Variants in PAPPA observed in about 807,000 individuals in gnomAD.
The protein encoded by PAPPA is pappalysin-1.
PAPPA carries 60 observed loss-of-function variants against 164.0 expected under a neutral mutation model. That is an observed-to-expected ratio of 0.37 (90% CI 0.30 to 0.45). The LOEUF (loss-of-function observed/expected upper bound fraction) is 0.45. Among genes scored for constraint, PAPPA ranks in the 20% least tolerant of loss-of-function variants. The probability of loss-of-function intolerance (pLI) is 1.00; values close to 1 mark genes in which losing one functional copy is unlikely to be tolerated. For synonymous variants in PAPPA, 875 were observed against 814.1 expected, an observed-to-expected ratio of 1.07 and a Z score of -1.27; for missense variants, 1,782 against 2,087.3, an observed-to-expected ratio of 0.85 and a Z score of 2.85.
chr9:116,227,479 G>T lies in PAPPA; in HGVS notation c.2160G>T (p.Val720=). ...CHLCLEGRIL[V]QYASNASSPM... is the part of the protein sequence containing the mutation. ...TTTGCCTGGAAGGGAGAATCCTGGT[G>T]CAGTATGCTTCCAACGCTTCCTCCC... The change falls in exon 6 of 22, where the codon GTG becomes GTT. Residue 720 remains valine, a synonymous_variant. Transcript: ENST00000328252. 3.7e-6 allele frequency: 6 copies of T among 1,614,074 alleles called. No homozygotes were observed. The highest frequency in any genetic ancestry group is 3.4e-6 in the Non-Finnish European group (4 of 1,179,966).
At chr9:116,164,673 T>A (rs557600577) in intron 1 of PAPPA, among the ~76,000 whole-genome samples, 1 of 152,338 alleles carries the variant, frequency 6.6e-6, no homozygotes, top group African/African-American at 2.4e-5. Context: ...CCGTATCCAT[T>A]CCTGTTGCTC....
At chr9:116,177,011 C>T (rs1252579926) in intron 1 of PAPPA, among the ~76,000 whole-genome samples, 1 of 147,980 alleles carries the variant, frequency 6.8e-6, no homozygotes, top group African/African-American at 2.5e-5. Context: ...TTGACATGTC[C>T]ATGTGGCTTT....
intron 5 of PAPPA, among the ~76,000 whole-genome samples, chr9:116,226,810 T>A (rs1478128892): frequency 6.6e-6 from 1 of 152,222 alleles, no homozygotes; most frequent in East Asian, 1.9e-4. Flanking sequence ...AGGGATTGGC[T>A]AGCCCCTTGG....
chr9:116,268,442 A>G (rs1010044094), intron 8 of PAPPA, among the ~76,000 whole-genome samples: 1 of 152,208 alleles, frequency 6.6e-6, no homozygotes, highest in African/African-American at 2.4e-5. Context: ...TTGTGGGTCC[A>G]AGATTGAACT....
intron 10 of PAPPA, among the ~76,000 whole-genome samples, chr9:116,326,564 A>G (rs1845922739): frequency 6.6e-6 from 1 of 152,302 alleles, no homozygotes; most frequent in South Asian, 2.1e-4. Context: ...CAAAGTAATA[A>G]TTCTTTATTT....
In PAPPA at chr9:116,377,564, C is replaced by T. The variant is rs777077809; in HGVS notation, c.4606-12C>T. 32 of 1,608,806 alleles carry T rather than the reference C, an allele frequency of 2.0e-5. No individual in the cohort carries two copies. The South Asian group carries it at 3.3e-4, about 17-fold the overall frequency. ...CCAAGCCCATCTGACCTTTCTCTCCCTCTTCCCACAGAGAGTTGTCTGCAC... is the reference window on the plus strand; with the variant it reads ...CCAAGCCCATCTGACCTTTCTCTCCTTCTTCCCACAGAGAGTTGTCTGCAC... On this transcript the variant is annotated splice_polypyrimidine_tract_variant and intron_variant, in intron 19 of 21. Coordinates refer to ENST00000328252, the MANE Select transcript of PAPPA (RefSeq NM_002581.5).
chr9:116,332,200 C>T, intron 11 of PAPPA, 133 bp from the exon 12 acceptor site: 1 of 618,806 alleles, frequency 1.6e-6, no homozygotes, highest in African/African-American at 1.8e-5. Context: ...TCCTCCTTCC[C>T]ATCTTGGACC....
rs1453426390 is a variant in PAPPA at position 116,306,344 on chromosome 9, T to TGAA, written c.3147+3396_3147+3397insAGA. Among the ~76,000 whole-genome samples, 4 of 152,326 alleles carry TGAA rather than the reference T, an allele frequency of 2.6e-5. No homozygotes were observed. In the East Asian group the frequency reaches 7.7e-4, roughly 29 times the overall value. On this transcript the variant is annotated intron_variant, in intron 10 of 21. Coordinates refer to ENST00000328252, the MANE Select transcript of PAPPA (RefSeq NM_002581.5). Reference sequence around the variant, plus strand: ...ATTGTGCTATATGGCTTGAGAATATTGATTAAAACTTCAGTTTTGATGTTG... The same window carrying TGAA: ...ATTGTGCTATATGGCTTGAGAATATTGAAGATTAAAACTTCAGTTTTGATGTTG...
At chr9:116,222,775 G>A (rs1844461508) in intron 5 of PAPPA, among the ~76,000 whole-genome samples, 1 of 152,242 alleles carries the variant, frequency 6.6e-6, no homozygotes, top group Non-Finnish European at 1.5e-5. Context: ...GTGATCTGTT[G>A]CACAGAATGG....
intron 1 of PAPPA, among the ~76,000 whole-genome samples, chr9:116,156,308 A>T (rs919404447): frequency 7.2e-5 from 8 of 111,878 alleles, no homozygotes; most frequent in African/African-American, 2.2e-4. Flanking sequence ...ATATACATGT[A>T]TATATATGTG....
intron 9 of PAPPA, among the ~76,000 whole-genome samples, chr9:116,300,892 G>A (rs1845572811): frequency 6.6e-6 from 1 of 151,854 alleles, no homozygotes; most frequent in Admixed American, 6.6e-5. Flanking sequence ...GATGTACAAA[G>A]CACATTTATG....
chr9:116,201,074 T>C (rs1012215317), intron 2 of PAPPA, among the ~76,000 whole-genome samples: 43 of 152,196 alleles, frequency 2.8e-4, no homozygotes, highest in African/African-American at 8.2e-4. Flanking sequence ...TTTTATAGAC[T>C]GGAGAGGCAG....
chr9:116,239,924 A>G (rs1210575081), intron 7 of PAPPA, among the ~76,000 whole-genome samples: 3 of 152,202 alleles, frequency 2.0e-5, no homozygotes, highest in Middle Eastern at 3.2e-3. Flanking sequence ...TTGGTGTCCA[A>G]TAACACAAAT....
At chr9:116,201,932 A>G (rs564467478) in intron 2 of PAPPA, among the ~76,000 whole-genome samples, 31 of 152,266 alleles carry the variant, frequency 2.0e-4, no homozygotes, top group African/African-American at 7.0e-4. Flanking sequence ...CATGGCCAGT[A>G]CCATCTCTGT....
chr9:116,311,973 T>C (rs1172598302), intron 10 of PAPPA, among the ~76,000 whole-genome samples: 1 of 152,216 alleles, frequency 6.6e-6, no homozygotes, highest in Non-Finnish European at 1.5e-5. Context: ...GTCTTCATTT[T>C]TCAGTTGACA....
At chr9:116,162,382 T>C (rs1052058653) in intron 1 of PAPPA, among the ~76,000 whole-genome samples, 2 of 152,204 alleles carry the variant, frequency 1.3e-5, no homozygotes, top group Non-Finnish European at 2.9e-5. Context: ...GTTTTTCTGG[T>C]TCCTTATTTC....
intron 7 of PAPPA, among the ~76,000 whole-genome samples, chr9:116,252,214 G>A (rs1844868148): frequency 6.6e-6 from 1 of 152,184 alleles, no homozygotes; most frequent in African/African-American, 2.4e-5. Context: ...TACAGAGTAA[G>A]GATGTCGTTG....
At chr9:116,201,532 G>T (rs1844170903) in intron 2 of PAPPA, among the ~76,000 whole-genome samples, 1 of 152,164 alleles carries the variant, frequency 6.6e-6, no homozygotes, top group Admixed American at 6.5e-5. Flanking sequence ...GGGAGCTAAG[G>T]CCAGTTTTCT....
intron 21 of PAPPA, among the ~76,000 whole-genome samples, chr9:116,385,233 CAAAATAAA>C (rs1225113538): frequency 4.2e-4 from 50 of 119,176 alleles, no homozygotes; most frequent in Non-Finnish European, 7.5e-4. Context: ...GACTCCATCT[CAAAATAAA>C]TAAATAAATA....
Sources: gnomAD v4.1 joint callset for allele counts (sites outside exome capture counted in the v4.1 genomes callset) on GRCh38, gnomAD v4.1.1 for gene constraint, MANE v1.5 for transcripts, NCBI Gene and HGNC (gene_info 2026-07-23, HGNC 2026-07-21) for gene names.